The following TAFA2 variants were observed in gnomAD, a reference collection of about 807,000 sequenced individuals.
The protein encoded by TAFA2 is chemokine-like protein TAFA-2.
Under a neutral mutation model 18.8 loss-of-function variants are expected in TAFA2, and 7 were observed. That is an observed-to-expected ratio of 0.37 (90% CI 0.21 to 0.70). The LOEUF is 0.70. TAFA2 is among the 30% of genes least tolerant of loss of function. The pLI, the probability that TAFA2 is intolerant of heterozygous loss-of-function variation, is 0.53. For synonymous variants in TAFA2, 60 were observed against 54.2 expected (o/e 1.11, Z -0.47); for missense variants, 122 against 158.1 (o/e 0.77, Z 1.23).
At chr12:61,835,478 A>G (rs1181344203) in intron 2 of TAFA2, among the ~76,000 whole-genome samples, 1 of 152,066 alleles carries the variant, frequency 6.6e-6, no homozygotes, top group African/African-American at 2.4e-5. Flanking sequence ...TCACTCAGAT[A>G]GTGAACATAG....
intron 4 of TAFA2, among the ~76,000 whole-genome samples, chr12:61,743,202 T>C (rs901408398): frequency 6.6e-6 from 1 of 152,070 alleles, no homozygotes; most frequent in African/African-American, 2.4e-5. Context: ...CATGCCTTCA[T>C]ATAAGCTGTT....
intron 2 of TAFA2, among the ~76,000 whole-genome samples, chr12:61,864,762 G>T (rs1874279225): frequency 8.8e-6 from 1 of 114,260 alleles, no homozygotes. Context: ...GACAGAGTGA[G>T]ACTCCGTCTC....
At chr12:61,750,562 G>C (rs1466075392) in intron 4 of TAFA2, among the ~76,000 whole-genome samples, 1 of 152,068 alleles carries the variant, frequency 6.6e-6, no homozygotes, top group African/African-American at 2.4e-5. Context: ...CACATTTGTA[G>C]TAAGTACAAT....
intron 2 of TAFA2, among the ~76,000 whole-genome samples, chr12:61,767,483 G>GT (rs201255992): frequency 0.02 from 3,014 of 150,986 alleles, 60 homozygotes; most frequent in South Asian, 0.051. Flanking sequence ...ATGCTAAGAG[G>GT]TTTTTTTTTC....
At chr12:62,066,789 A>G (rs1162472302) in intron 1 of TAFA2, among the ~76,000 whole-genome samples, 1 of 151,914 alleles carries the variant, frequency 6.6e-6, no homozygotes, top group Non-Finnish European at 1.5e-5. Context: ...ATGCAGATAT[A>G]TTTTCAACCT....
intron 1 of TAFA2, among the ~76,000 whole-genome samples, chr12:62,211,062 G>T (rs2062710998): frequency 6.6e-6 from 1 of 152,146 alleles, no homozygotes; most frequent in South Asian, 2.1e-4. Context: ...ATCAGCAAGA[G>T]ATCTTTAGGA....
intron 1 of TAFA2, among the ~76,000 whole-genome samples, chr12:61,924,800 C>T (rs1268908317): frequency 2.0e-5 from 3 of 151,562 alleles, no homozygotes; most frequent in African/African-American, 2.4e-5. Flanking sequence ...CTGGCAAATT[C>T]AATAGAGTCA....
intron 1 of TAFA2, among the ~76,000 whole-genome samples, chr12:62,164,544 T>A (rs1012127576): frequency 6.6e-6 from 1 of 152,156 alleles, no homozygotes; most frequent in African/African-American, 2.4e-5. Context: ...GATTCACTCA[T>A]GATTTGAGAT....
At chr12:62,236,215 G>A (rs147530635) in intron 1 of TAFA2, among the ~76,000 whole-genome samples, 174 of 150,996 alleles carry the variant, frequency 1.2e-3, no homozygotes, top group African/African-American at 3.9e-3. Context: ...GAATTTATGC[G>A]TGTATTTACT....
intron 1 of TAFA2, among the ~76,000 whole-genome samples, chr12:62,176,374 C>T (rs1344267): frequency 6.6e-6 from 1 of 152,138 alleles, no homozygotes; most frequent in Non-Finnish European, 1.5e-5. Context: ...CAACTGAGTT[C>T]TGCACCAGAA....
rs1456525404 is a variant in TAFA2 at position 61,804,306 on chromosome 12, AAT to A, written c.107-49284_107-49283del. 4.6e-5 allele frequency among the ~76,000 whole-genome samples: 7 copies of A among 152,132 alleles called. No homozygotes were observed. In the East Asian group the frequency reaches 1.2e-3, roughly 25 times the overall value. The stretch of plus-strand genomic sequence containing the variant: ...GTTAACATTATTATGTCTATCTTTA[AAT>A]ATATGTCACTCATTATAAACATATA... On this transcript the variant is annotated intron_variant, in intron 2 of 4. Coordinates refer to ENST00000416284, the MANE Select transcript of TAFA2 (RefSeq NM_178539.5).
chr12:61,750,212 A>C (rs971614762), intron 4 of TAFA2, among the ~76,000 whole-genome samples: 5 of 152,080 alleles, frequency 3.3e-5, no homozygotes, highest in African/African-American at 1.2e-4. Context: ...TTGTCTTTGA[A>C]AGTGAGTTTG....
At chr12:61,873,789 G>C (rs897169240) in intron 1 of TAFA2, among the ~76,000 whole-genome samples, 2 of 152,040 alleles carry the variant, frequency 1.3e-5, no homozygotes, top group African/African-American at 4.8e-5. Context: ...ATGACACTAT[G>C]CCTGAATATA....
intron 1 of TAFA2, among the ~76,000 whole-genome samples, chr12:62,256,765 C>T (rs1249797416): frequency 1.3e-5 from 2 of 152,142 alleles, no homozygotes; most frequent in Admixed American, 1.3e-4. Flanking sequence ...CCTCGTGGCA[C>T]TTACAATTTT....
intron 1 of TAFA2, among the ~76,000 whole-genome samples, chr12:62,056,184 T>G (rs114860448): frequency 6.6e-6 from 1 of 152,172 alleles, no homozygotes; most frequent in Admixed American, 6.5e-5. Context: ...AATGCTTTTA[T>G]TATGAGGGGG....
chr12:61,937,914 T>C (rs1877838552), intron 1 of TAFA2, among the ~76,000 whole-genome samples: 1 of 151,968 alleles, frequency 6.6e-6, no homozygotes, highest in Non-Finnish European at 1.5e-5. Context: ...TGACAAAGAA[T>C]TGATATCCAG....
intron 2 of TAFA2, among the ~76,000 whole-genome samples, chr12:61,864,402 A>G (rs945164154): frequency 1.3e-5 from 2 of 148,362 alleles, no homozygotes; most frequent in African/African-American, 5.0e-5. Context: ...TATGGTGTGT[A>G]TATATATATT....
chr12:62,033,807 T>C (rs903680599), intron 1 of TAFA2, among the ~76,000 whole-genome samples: 1 of 152,184 alleles, frequency 6.6e-6, no homozygotes, highest in Non-Finnish European at 1.5e-5. Context: ...CTGGTTAGCC[T>C]ATAAAAATCT....
At chr12:61,990,940 T>C (rs1026802294) in intron 1 of TAFA2, among the ~76,000 whole-genome samples, 5 of 152,178 alleles carry the variant, frequency 3.3e-5, no homozygotes, top group African/African-American at 1.2e-4. Flanking sequence ...GGAGAATGAA[T>C]GGAAATGGAG....
Sources: gnomAD v4.1 joint callset for allele counts (sites outside exome capture counted in the v4.1 genomes callset) on GRCh38, gnomAD v4.1.1 for gene constraint, MANE v1.5 for transcripts, NCBI Gene and HGNC (gene_info 2026-07-23, HGNC 2026-07-21) for gene names.